EHHADH: variants seen among roughly 807,000 people sequenced by gnomAD.
EHHADH encodes peroxisomal bifunctional enzyme.
In EHHADH, 48 loss-of-function variants were observed where a neutral mutation model predicts 64.4. That is an observed-to-expected ratio of 0.75 (90% CI 0.59 to 0.95). EHHADH has a LOEUF of 0.95. Among genes scored for constraint, EHHADH ranks in the 40% least tolerant of loss-of-function variants. The pLI, the probability that EHHADH is intolerant of heterozygous loss-of-function variation, is 0.00. For missense variants in EHHADH, 854 were observed against 876.6 expected (o/e 0.97, Z 0.33); for synonymous variants, 308 against 326.7 (o/e 0.94, Z 0.62).
intron 1 of EHHADH, among the ~76,000 whole-genome samples, chr3:185,250,618 CA>C (rs1241742766): frequency 6.6e-6 from 1 of 152,162 alleles, no homozygotes; most frequent in Non-Finnish European, 1.5e-5. Context: ...AAACAAACAA[CA>C]ACAAACTTCT....
At chr3:185,206,163 T>C (rs150669359) in intron 5 of EHHADH, among the ~76,000 whole-genome samples, 46 of 152,036 alleles carry the variant, frequency 3.0e-4, no homozygotes, top group African/African-American at 1.0e-3. Flanking sequence ...CACACAAGCA[T>C]ACTGTGACCC....
chr3:185,221,577 CTT>C (rs10663266), intron 4 of EHHADH, among the ~76,000 whole-genome samples: 2 of 130,708 alleles, frequency 1.5e-5, no homozygotes. Flanking sequence ...ATTTTTTTTT[CTT>C]TTTTTTTTTT....
intron 4 of EHHADH, among the ~76,000 whole-genome samples, chr3:185,225,367 A>G (rs1472057246): frequency 1.3e-5 from 2 of 151,336 alleles, no homozygotes; most frequent in Non-Finnish European, 2.9e-5. Flanking sequence ...TTTCTCTCAC[A>G]TCTCGTATCT....
chr3:185,195,382 T>C (rs1718031159), intron 6 of EHHADH, among the ~76,000 whole-genome samples: 2 of 152,212 alleles, frequency 1.3e-5, no homozygotes, highest in Non-Finnish European at 2.9e-5. Context: ...TTGGAGAAAT[T>C]AGAACTCTGA....
chr3:185,192,123 T>G lies in EHHADH; in HGVS notation c.*103A>C. On this transcript the variant is annotated 3_prime_UTR_variant, in exon 7 of 7. Coordinates refer to ENST00000231887, the MANE Select transcript of EHHADH (RefSeq NM_001966.4). ...ATTCTAATGATTATTTATTTTGCTT[T>G]GTATTTCAGAACAATCTTACTTTGG... The G allele has an allele frequency of 7.6e-7, 1 of 1,324,460 alleles. No homozygotes were observed. Among genetic ancestry groups the G allele is most frequent in the Non-Finnish European group, 1.0e-6 (1 of 960,676 alleles). 82.0% of individuals were successfully genotyped at this position (1,324,460 alleles called of 1,614,324 possible).
chr3:185,235,458 A>G lies in EHHADH; in HGVS notation c.183T>C (p.Ala61=). ...TAGGAGCACTGAAGCCACGAATATC[A>G]GCACCTAAGGGCACAAAGACAAGGA... ...CGAEGKFSAG[A]DIRGFSAPRT... Residue 61 remains alanine (A), a synonymous_variant, in exon 3 of 7, where the codon GCT becomes GCC. Coordinates refer to ENST00000231887, the MANE Select transcript of EHHADH (RefSeq NM_001966.4). The G allele has an allele frequency of 6.2e-7, 1 of 1,606,938 alleles. No individual in the cohort carries two copies.
At chr3:185,246,043 A>C (rs1719585966) in intron 2 of EHHADH, 2 of 1,292,196 alleles carry the variant, frequency 1.5e-6, no homozygotes, top group South Asian at 2.4e-5. Flanking sequence ...GTTCATCCTC[A>C]TCTGGGAACT....
chr3:185,193,376 G>A lies in EHHADH; in HGVS notation c.1022C>T (p.Thr341Ile), dbSNP rs928913581. 1.2e-6 allele frequency: 2 copies of A among 1,614,144 alleles called. No individual in the cohort carries two copies. Among genetic ancestry groups the A allele is most frequent in the East Asian group, 2.2e-5 (1 of 44,890 alleles). ...GGAGGCTTCTTTTTCCAAGACAGAG[G>A]TTATCATCTTGTTTGCAGTTGCTAG... ...NQLATANKMI[T>I]SVLEKEASKM... Residue 341 changes from threonine (T) to isoleucine (I), a missense_variant, in exon 7 of 7, where the codon ACC (threonine) becomes ATC (isoleucine). Transcript: ENST00000231887.
At chr3:185,236,674 T>C (rs1397107470) in intron 2 of EHHADH, among the ~76,000 whole-genome samples, 1 of 152,156 alleles carries the variant, frequency 6.6e-6, no homozygotes, top group Admixed American at 6.6e-5. Context: ...ATCCAGGAGT[T>C]AAGCTTTTTT....
chr3:185,208,727 A>G (rs1718462670), intron 5 of EHHADH, among the ~76,000 whole-genome samples: 1 of 152,258 alleles, frequency 6.6e-6, no homozygotes, highest in Non-Finnish European at 1.5e-5. Flanking sequence ...GTCTACAAAT[A>G]TTCATGGCAG....
chr3:185,233,632 C>T (rs1719199326), intron 3 of EHHADH, among the ~76,000 whole-genome samples: 1 of 151,704 alleles, frequency 6.6e-6, no homozygotes. Flanking sequence ...CAAAAAAAGC[C>T]CAAATGTGGT....
intron 4 of EHHADH, among the ~76,000 whole-genome samples, chr3:185,228,518 A>G (rs954734945): frequency 1.2e-4 from 18 of 150,856 alleles, no homozygotes; most frequent in African/African-American, 4.4e-4. Flanking sequence ...GTCTCTACTA[A>G]AAGTACAAAA....
intron 5 of EHHADH, among the ~76,000 whole-genome samples, chr3:185,215,808 C>T (rs1168690793): frequency 6.6e-6 from 1 of 152,230 alleles, no homozygotes. Flanking sequence ...TTCATTTTTG[C>T]TTATTTCCTT....
intron 2 of EHHADH, among the ~76,000 whole-genome samples, chr3:185,237,785 A>T (rs1467878905): frequency 6.6e-6 from 1 of 152,208 alleles, no homozygotes; most frequent in Admixed American, 6.6e-5. Context: ...TTCGGGGGGT[A>T]CATGTACAGG....
Position 185,192,856 on chromosome 3 carries a change from A to G in EHHADH, c.1542T>C (p.Phe514=). 1 of 1,614,208 alleles carries G rather than the reference A, an allele frequency of 6.2e-7. No individual in the cohort carries two copies. Among genetic ancestry groups the G allele is most frequent in the African/African-American group, 1.3e-5 (1 of 75,052 alleles). The change falls in exon 7 of 7, where the codon TTT becomes TTC. Residue 514 remains phenylalanine, a synonymous_variant. Coordinates refer to ENST00000231887, the MANE Select transcript of EHHADH (RefSeq NM_001966.4). The part of the protein sequence containing the change: ...EVDQVLEEFG[F]KMGPFRVSDL... The stretch of plus-strand genomic sequence containing the variant: ...CAGACACTCTAAAAGGTCCCATTTT[A>G]AAACCAAACTCTTCCAGCACCTGAT...
chr3:185,193,268 A>C lies in EHHADH; in HGVS notation c.1130T>G (p.Leu377Ter). ...TTCCTCAAATACTGCTTCAATGACT[A>C]AATCTACACCACCAAGCTCCTTCAC... Reference protein sequence around the residue: ...SSVKELGGVDLVIEAVFEEMS... With the variant: ...SSVKELGGVD The change falls in exon 7 of 7, where the codon TTA becomes TGA. Residue 377 changes from leucine to a stop codon, truncating the protein, a stop_gained. Transcript: ENST00000231887. LOFTEE classifies it high-confidence loss of function. 2.5e-6 allele frequency: 4 copies of C among 1,602,972 alleles called. No homozygotes were observed. Among genetic ancestry groups the C allele is most frequent in the Non-Finnish European group, 3.4e-6 (4 of 1,175,200 alleles).
At chr3:185,224,696 C>A (rs940372404) in intron 4 of EHHADH, among the ~76,000 whole-genome samples, 3 of 152,078 alleles carry the variant, frequency 2.0e-5, no homozygotes, top group African/African-American at 7.2e-5. Flanking sequence ...AACAGGTCAG[C>A]AGAAGGTGTT....
intron 2 of EHHADH, among the ~76,000 whole-genome samples, chr3:185,237,672 C>T (rs1432685907): frequency 1.3e-5 from 2 of 152,070 alleles, no homozygotes; most frequent in East Asian, 3.8e-4. Context: ...TAGTGTTCAA[C>T]CAATCTGATA....
chr3:185,237,188 T>G (rs1484779892), intron 2 of EHHADH, among the ~76,000 whole-genome samples: 1 of 152,240 alleles, frequency 6.6e-6, no homozygotes, highest in Non-Finnish European at 1.5e-5. Context: ...CACATCAAAA[T>G]CTAATTAATA....
Sources: allele counts gnomAD v4.1 joint callset (sites outside exome capture counted in the v4.1 genomes callset), GRCh38; gene constraint gnomAD v4.1.1; transcripts MANE v1.5; gene names NCBI Gene and HGNC (gene_info 2026-07-23, HGNC 2026-07-21).